EDIL3: variants seen among roughly 807,000 people sequenced by gnomAD.
EDIL3 encodes EGF-like repeat and discoidin I-like domain-containing protein 3.
In EDIL3, 37 loss-of-function variants were observed where a neutral mutation model predicts 67.4. The observed-to-expected ratio is 0.55, with a 90% CI of 0.42 to 0.72. The LOEUF (loss-of-function observed/expected upper bound fraction) is 0.72. Among genes scored for constraint, EDIL3 ranks in the 30% least tolerant of loss-of-function variants. The pLI, the probability that EDIL3 is intolerant of heterozygous loss-of-function variation, is 0.00. For missense variants in EDIL3, 527 were observed against 586.3 expected (o/e 0.90, Z 1.04); for synonymous variants, 195 against 196.3 (o/e 0.99, Z 0.05).
intron 1 of EDIL3, among the ~76,000 whole-genome samples, chr5:84,382,039 T>G (rs79268244): frequency 0.012 from 1,776 of 152,248 alleles, 23 homozygotes; most frequent in Non-Finnish European, 0.017. Context: ...GAAGTTTAAT[T>G]GTTTGGAGCT....
intron 3 of EDIL3, among the ~76,000 whole-genome samples, chr5:84,224,696 A>G (rs1414857671): frequency 6.6e-6 from 1 of 151,506 alleles, no homozygotes; most frequent in Non-Finnish European, 1.5e-5. Flanking sequence ...CACATTCTTC[A>G]TATTTGCAAA....
At chr5:84,266,930 T>C (rs781706903) in intron 1 of EDIL3, among the ~76,000 whole-genome samples, 1 of 152,230 alleles carries the variant, frequency 6.6e-6, no homozygotes, top group East Asian at 1.9e-4. Context: ...TTATACTAAG[T>C]GTTTTATGGG....
chr5:84,128,768 C>T (rs1747911934), intron 5 of EDIL3, among the ~76,000 whole-genome samples: 1 of 152,058 alleles, frequency 6.6e-6, no homozygotes, highest in African/African-American at 2.4e-5. Context: ...TGTCTGAGTA[C>T]TTCATCTTTC....
chr5:83,980,097 A>T (rs545000552), intron 9 of EDIL3, among the ~76,000 whole-genome samples: 1 of 152,252 alleles, frequency 6.6e-6, no homozygotes, highest in East Asian at 1.9e-4. Context: ...ACTCTGAGCA[A>T]CTCAGCACCT....
At chr5:84,038,001 T>TG (rs1561411127) in intron 9 of EDIL3, among the ~76,000 whole-genome samples, 2 of 142,698 alleles carry the variant, frequency 1.4e-5, no homozygotes, top group African/African-American at 5.5e-5. Flanking sequence ...TTTTTTTTTT[T>TG]TTTTTTTTTT....
At chr5:84,303,335 G>A (rs947044602) in intron 1 of EDIL3, among the ~76,000 whole-genome samples, 4 of 152,082 alleles carry the variant, frequency 2.6e-5, no homozygotes, top group Non-Finnish European at 5.9e-5. Flanking sequence ...CTAGAGAACC[G>A]AGAGCTACCA....
intron 1 of EDIL3, among the ~76,000 whole-genome samples, chr5:84,297,833 G>T (rs1366781430): frequency 6.6e-6 from 1 of 152,118 alleles, no homozygotes; most frequent in Non-Finnish European, 1.5e-5. Flanking sequence ...TCGATCCTGG[G>T]AGAGCAAGAA....
chr5:84,205,043 G>T (rs1331704505), intron 3 of EDIL3, among the ~76,000 whole-genome samples: 1 of 151,358 alleles, frequency 6.6e-6, no homozygotes, highest in East Asian at 2.0e-4. Flanking sequence ...CTCCCATGTA[G>T]CTGGGACTAC....
At chr5:84,138,160 G>C (rs1239450349) in intron 4 of EDIL3, among the ~76,000 whole-genome samples, 1 of 152,166 alleles carries the variant, frequency 6.6e-6, no homozygotes, top group Non-Finnish European at 1.5e-5. Flanking sequence ...GATTCTGTGG[G>C]AGCCAGTACA....
chr5:84,140,093 T>C (rs1018837719), intron 4 of EDIL3, among the ~76,000 whole-genome samples: 2 of 152,250 alleles, frequency 1.3e-5, no homozygotes, highest in East Asian at 3.9e-4. Flanking sequence ...GGGTATTTCC[T>C]TCACCCTTCT....
At chr5:84,125,867 G>A (rs1554069155) in intron 5 of EDIL3, among the ~76,000 whole-genome samples, 1 of 151,976 alleles carries the variant, frequency 6.6e-6, no homozygotes, top group Non-Finnish European at 1.5e-5. Context: ...AAAAGGTTCG[G>A]TTGAATATGC....
chr5:84,152,390 C>A (rs1390003427), intron 4 of EDIL3, among the ~76,000 whole-genome samples: 1 of 152,148 alleles, frequency 6.6e-6, no homozygotes. Context: ...ACAACAATTT[C>A]CATGGTATCC....
chr5:84,338,599 G>C (rs1747035457), intron 1 of EDIL3, among the ~76,000 whole-genome samples: 1 of 152,156 alleles, frequency 6.6e-6, no homozygotes, highest in Non-Finnish European at 1.5e-5. Context: ...CTAACATGCT[G>C]TCACTTACAC....
At chr5:84,210,306 A>G (rs972406059) in intron 3 of EDIL3, among the ~76,000 whole-genome samples, 1 of 152,140 alleles carries the variant, frequency 6.6e-6, no homozygotes. Context: ...ACGTTTTGCA[A>G]TGATGTGTTA....
At chr5:84,221,789 C>G (rs371588884) in intron 3 of EDIL3, among the ~76,000 whole-genome samples, 113 of 151,638 alleles carry the variant, frequency 7.5e-4, no homozygotes, top group African/African-American at 2.6e-3. Flanking sequence ...AGAATATACT[C>G]GATAAAACAA....
At chr5:84,326,584 G>A (rs1217652077) in intron 1 of EDIL3, among the ~76,000 whole-genome samples, 1 of 151,746 alleles carries the variant, frequency 6.6e-6, no homozygotes, top group African/African-American at 2.4e-5. Context: ...GAAAAAAAAA[G>A]TTGGATGTAA....
At chr5:83,956,549 G>C (rs991420051) in intron 10 of EDIL3, among the ~76,000 whole-genome samples, 1 of 151,652 alleles carries the variant, frequency 6.6e-6, no homozygotes, top group African/African-American at 2.4e-5. Flanking sequence ...GGCAGATCTA[G>C]GCCTGCAAAC....
At chr5:84,251,067 A>G (rs1224475888) in intron 2 of EDIL3, among the ~76,000 whole-genome samples, 1 of 152,160 alleles carries the variant, frequency 6.6e-6, no homozygotes, top group Non-Finnish European at 1.5e-5. Context: ...CAACAGGAGA[A>G]CAATAACAAA....
intron 1 of EDIL3, among the ~76,000 whole-genome samples, chr5:84,326,427 T>C (rs1054670087): frequency 6.6e-6 from 1 of 151,986 alleles, no homozygotes; most frequent in African/African-American, 2.4e-5. Context: ...GTTCCCATCA[T>C]ACAAGAAGAA....
Sources: gnomAD v4.1 joint callset for allele counts (sites outside exome capture counted in the v4.1 genomes callset) on GRCh38, gnomAD v4.1.1 for gene constraint, MANE v1.5 for transcripts, NCBI Gene and HGNC (gene_info 2026-07-23, HGNC 2026-07-21) for gene names.